REXO1: variants seen among roughly 807,000 people sequenced by gnomAD.
REXO1 encodes RNA exonuclease 1 homolog, also known as REX1, RNA exonuclease 1 homolog.
REXO1 carries 42 observed loss-of-function variants against 102.6 expected under a neutral mutation model. The observed-to-expected ratio is 0.41, with a 90% CI of 0.32 to 0.53. REXO1 has a LOEUF of 0.53. Among genes scored for constraint, REXO1 ranks in the 20% least tolerant of loss-of-function variants. REXO1 has a pLI of 0.27. For missense variants in REXO1, 1,819 were observed against 1,732.5 expected, an observed-to-expected ratio of 1.05 and a Z score of -0.89; for synonymous variants, 908 against 779.1, an observed-to-expected ratio of 1.17 and a Z score of -2.76.
At position 1,821,769 on chromosome 19, in the gene REXO1, G is replaced by A. The variant is rs546902656; in HGVS notation, c.2231-87C>T. On this transcript the variant is annotated intron_variant, in intron 4 of 15. Coordinates refer to ENST00000170168, the MANE Select transcript of REXO1 (RefSeq NM_020695.4). ...CACCAGGCAGCCGCGGCCGCTCAGC[G>A]CCAGCAGCACGTGCATCTCCGCGTG... 495 of 1,286,250 alleles carry A rather than the reference G, an allele frequency of 3.8e-4. 2 individuals carry two copies. In the East Asian group the frequency reaches 9.2e-3, roughly 24 times the overall value. The allele number at this position is 1,286,250 out of a possible 1,614,324, so 79.7% of individuals were successfully genotyped here. A position where few individuals can be genotyped will look rare whatever the true frequency, so the allele number is the denominator to read the frequency against.
intron 3 of REXO1, 113 bp downstream of exon 3, chr19:1,825,726 T>A (rs1054448313): frequency 1.4e-6 from 1 of 714,258 alleles, no homozygotes; most frequent in African/African-American, 1.8e-5. Context: ...TCCACCCGCC[T>A]TGGCCTCCCA....
At position 1,823,751 on chromosome 19, in the gene REXO1, G is replaced by A. The variant is rs372821085; in HGVS notation, c.2051C>T (p.Pro684Leu). The stretch of plus-strand genomic sequence containing the variant: ...CTCCTGCGCCGTCGGGGGCCGGGCC[G>A]GGGGCACCGCGGGACCCCTCCTCGG... ...EPPRRGPAVPPARPPTAQEVC... is the reference protein window; with the variant it reads ...EPPRRGPAVPLARPPTAQEVC... Residue 684 changes from proline to leucine, a missense_variant, in exon 4 of 16, where the codon CCG becomes CTG. Transcript: ENST00000170168. The A allele has an allele frequency of 3.8e-4, 482 of 1,259,424 alleles. 3 individuals are homozygous for A. The highest frequency in any genetic ancestry group is 3.1e-3 in the South Asian group (83 of 27,122). The allele number at this position is 1,259,424 out of a possible 1,614,324, so 78.0% of individuals were successfully genotyped here.
At chr19:1,831,813 C>T (rs1371817633) in intron 1 of REXO1, among the ~76,000 whole-genome samples, 1 of 133,178 alleles carries the variant, frequency 7.5e-6, no homozygotes, top group Non-Finnish European at 1.5e-5. Flanking sequence ...CCATTGCACT[C>T]TATCCTGGGC....
In REXO1 at chr19:1,826,368, T is replaced by G; in HGVS notation, c.1912-425A>C. Among the ~76,000 whole-genome samples, 1 of 149,528 alleles carries G rather than the reference T, an allele frequency of 6.7e-6. No homozygotes were observed. On this transcript the variant is annotated intron_variant, in intron 2 of 15. Transcript: ENST00000170168. The surrounding 1 kb of genome is among the most constrained non-coding windows in gnomAD (Gnocchi z 4.3). Reference sequence around the variant, plus strand: ...AGGGCTGGCCCAGGAGAGCAAGAGCTCGCCACGCTGGGAGTAGGGAGGAGG... The same window carrying G: ...AGGGCTGGCCCAGGAGAGCAAGAGCGCGCCACGCTGGGAGTAGGGAGGAGG...
chr19:1,841,065 G>A (rs1044441353), intron 1 of REXO1, among the ~76,000 whole-genome samples: 3 of 152,198 alleles, frequency 2.0e-5, no homozygotes, highest in East Asian at 1.9e-4. Context: ...GGGAGGGATC[G>A]CCCCGAAACA....
chr19:1,815,670 A>G lies in REXO1; in HGVS notation c.*396T>C, dbSNP rs2069337867. The G allele has an allele frequency of 7.9e-7, 1 of 1,260,316 alleles. No individual in the cohort carries two copies. The highest frequency in any genetic ancestry group is 1.0e-6 in the Non-Finnish European group (1 of 990,346). 78.1% of individuals were successfully genotyped at this position (1,260,316 alleles called of 1,614,324 possible). The stretch of plus-strand genomic sequence containing the variant: ...ATAAAAATAACAATACAAAATAAAA[A>G]AAGACTGTCTCAAACAAACCTGGGA... On this transcript the variant is annotated 3_prime_UTR_variant, in exon 16 of 16. Coordinates refer to ENST00000170168, the MANE Select transcript of REXO1 (RefSeq NM_020695.4). The surrounding 1 kb of genome is among the most constrained non-coding windows in gnomAD (Gnocchi z 4.0).
At chr19:1,848,156 C>T in intron 1 of REXO1, 46 bp downstream of exon 1, 2 of 1,013,938 alleles carry the variant, frequency 2.0e-6, no homozygotes, top group Non-Finnish European at 2.5e-6. Context: ...GGTCCAGACC[C>T]GGGCAGGGGA....
At chr19:1,819,327 G>A (rs1309786554) in intron 7 of REXO1, among the ~76,000 whole-genome samples, 196 bp from the exon 8 acceptor site, 4 of 152,096 alleles carry the variant, frequency 2.6e-5, no homozygotes, top group African/African-American at 9.7e-5. Flanking sequence ...GGGACGCAGG[G>A]CAGCCGCCAG....
intron 1 of REXO1, among the ~76,000 whole-genome samples, chr19:1,832,313 C>A (rs1197972261): frequency 6.6e-6 from 1 of 152,228 alleles, no homozygotes; most frequent in African/African-American, 2.4e-5. Context: ...ACTTCCCAGC[C>A]CAGCGCTGAG....
At chr19:1,816,876 T>G in intron 12 of REXO1, 63 bp from the exon 13 acceptor site, 1 of 1,261,116 alleles carries the variant, frequency 7.9e-7, no homozygotes, top group Non-Finnish European at 1.1e-6. Context: ...TCCCCTTCCC[T>G]GCCCCTTTGA....
intron 3 of REXO1, among the ~76,000 whole-genome samples, chr19:1,825,527 G>A (rs1481597613): frequency 1.3e-5 from 2 of 151,454 alleles, no homozygotes; most frequent in African/African-American, 4.8e-5. Context: ...CCAGGCTGGA[G>A]TGCAGTGGTG....
Position 1,817,836 on chromosome 19 carries a change from C to CG in REXO1, c.3017-57dup, listed in dbSNP as rs2069416446. Reference sequence around the variant, plus strand: ...CCGGCCAGGCCCACTCCACAGCCCCCGGGGCACTGACCACCTGCATCTACC... The same window carrying CG: ...CCGGCCAGGCCCACTCCACAGCCCCCGGGGGCACTGACCACCTGCATCTACC... On this transcript the variant is annotated intron_variant, in intron 10 of 15. Transcript: ENST00000170168. 2.1e-6 allele frequency: 3 copies of CG among 1,450,432 alleles called. No homozygotes were observed. The Admixed American group carries it at 5.4e-5, about 26-fold the overall frequency. The allele number at this position is 1,450,432 out of a possible 1,614,324, so 89.8% of individuals were successfully genotyped here.
At chr19:1,820,182 TGA>T in intron 6 of REXO1, 80 bp downstream of exon 6, 6 of 1,560,086 alleles carry the variant, frequency 3.8e-6, no homozygotes, top group Middle Eastern at 3.4e-4. Context: ...CAGCTGCGGC[TGA>T]GAGGCCGGGG....
intron 1 of REXO1, among the ~76,000 whole-genome samples, chr19:1,847,080 C>G (rs1359144014): frequency 1.3e-5 from 2 of 152,192 alleles, no homozygotes; most frequent in Non-Finnish European, 2.9e-5. Context: ...GCACAGCCGG[C>G]ATCGTACGCA....
rs1354465239 is a variant in REXO1 at position 1,848,436 on chromosome 19, G to A, written c.-78C>T. The A allele has an allele frequency of 3.8e-6, 4 of 1,064,438 alleles. No individual in the cohort carries two copies. Among genetic ancestry groups the A allele is most frequent in the Admixed American group, 5.1e-5 (1 of 19,508 alleles). The allele number at this position is 1,064,438 out of a possible 1,614,324, so 65.9% of individuals were successfully genotyped here. A position where few individuals can be genotyped will look rare whatever the true frequency, so the allele number is the denominator to read the frequency against. Reference sequence around the variant, plus strand: ...CCTCACTGGCGCCGCGGTCGCCGCCGCCCGCGCCTCACGGACCCCGCCGCC... The same window carrying A: ...CCTCACTGGCGCCGCGGTCGCCGCCACCCGCGCCTCACGGACCCCGCCGCC... On this transcript the variant is annotated 5_prime_UTR_variant, in exon 1 of 16. Coordinates refer to ENST00000170168, the MANE Select transcript of REXO1 (RefSeq NM_020695.4).
At chr19:1,818,670 C>T (rs907825414) in intron 9 of REXO1, 36 bp downstream of exon 9, 1 of 1,609,408 alleles carries the variant, frequency 6.2e-7, no homozygotes, top group African/African-American at 1.3e-5. Flanking sequence ...ACATCCCGCA[C>T]CTGCCCACCT....
rs147396840 is a variant in REXO1, at chr19:1,836,610, G to A, written c.158-7979C>T. ...AGAAAACACAAATTAGCCGGGCGTG[G>A]CGGCAGGCGCCTATAGTCCCAGCTA... On this transcript the variant is annotated intron_variant, in intron 1 of 15. Coordinates refer to ENST00000170168, the MANE Select transcript of REXO1 (RefSeq NM_020695.4). Among the ~76,000 whole-genome samples the A allele has an allele frequency of 3.9e-5, 6 of 152,220 alleles. No individual in the cohort carries two copies. In the East Asian group the frequency reaches 9.6e-4, roughly 24 times the overall value.
At chr19:1,847,256 G>A (rs191200517) in intron 1 of REXO1, among the ~76,000 whole-genome samples, 1 of 152,330 alleles carries the variant, frequency 6.6e-6, no homozygotes, top group East Asian at 1.9e-4. Context: ...TGGCAAAACA[G>A]GAAAATAAAC....
At chr19:1,825,722 C>T (rs1397572903) in intron 3 of REXO1, 117 bp downstream of exon 3, 2 of 685,946 alleles carry the variant, frequency 2.9e-6, no homozygotes, top group Admixed American at 2.6e-5. Flanking sequence ...GTGATCCACC[C>T]GCCTTGGCCT....
Sources: allele counts gnomAD v4.1 joint callset (sites outside exome capture counted in the v4.1 genomes callset), GRCh38; gene constraint gnomAD v4.1.1; non-coding constraint Gnocchi (gnomAD v3.1); transcripts MANE v1.5; gene names NCBI Gene and HGNC (gene_info 2026-07-23, HGNC 2026-07-21).